PPM1H: variants seen among roughly 807,000 people sequenced by gnomAD.
PPM1H encodes protein phosphatase 1H.
Under a neutral mutation model 54.9 loss-of-function variants are expected in PPM1H, and 27 were observed. That is an observed-to-expected ratio of 0.49 (90% CI 0.36 to 0.68). PPM1H has a LOEUF of 0.68. Among genes scored for constraint, PPM1H ranks in the 30% least tolerant of loss-of-function variants. PPM1H has a pLI of 0.00. For missense variants in PPM1H, 596 were observed against 667.8 expected (o/e 0.89, Z 1.19); for synonymous variants, 305 against 270.8 (o/e 1.13, Z -1.24).
At chr12:62,702,544 CAGAGAGAGAGAGAGAGAG>C (rs66497730) in intron 6 of PPM1H, among the ~76,000 whole-genome samples, 3 of 140,644 alleles carry the variant, frequency 2.1e-5, no homozygotes, top group Admixed American at 7.1e-5. Flanking sequence ...CCTTGAGCTA[CAGAGAGAGAGAGAGAGAG>C]AGAGAGAGAG....
At chr12:62,838,426 G>T (rs1868580715) in intron 1 of PPM1H, among the ~76,000 whole-genome samples, 2 of 151,954 alleles carry the variant, frequency 1.3e-5, no homozygotes, top group Admixed American at 6.6e-5. Flanking sequence ...CTTGGGCAAT[G>T]TCTCATGTGG....
chr12:62,767,739 G>C (rs573415877), intron 4 of PPM1H, among the ~76,000 whole-genome samples: 1 of 152,274 alleles, frequency 6.6e-6, no homozygotes, highest in Non-Finnish European at 1.5e-5. Flanking sequence ...CTGGAGTCTG[G>C]AAGCCTGAAA....
intron 4 of PPM1H, chr12:62,755,266 G>T: frequency 2.7e-6 from 2 of 751,800 alleles, no homozygotes; most frequent in South Asian, 1.3e-5. Flanking sequence ...TGGTTGTATT[G>T]GGTGCCTAGT....
chr12:62,764,010 C>T (rs73130040), intron 4 of PPM1H, among the ~76,000 whole-genome samples: 19,144 of 152,198 alleles, frequency 0.13, 1,281 homozygotes, highest in South Asian at 0.19. Context: ...ATTCCTGCCT[C>T]GATCCAGCTG....
At chr12:62,830,313 T>C (rs1868336741) in intron 2 of PPM1H, among the ~76,000 whole-genome samples, 1 of 151,836 alleles carries the variant, frequency 6.6e-6, no homozygotes, top group African/African-American at 2.4e-5. Flanking sequence ...TGGAGTGCAG[T>C]GGCGTGATCT....
At chr12:62,881,887 C>T (rs1870409432) in intron 1 of PPM1H, among the ~76,000 whole-genome samples, 1 of 152,168 alleles carries the variant, frequency 6.6e-6, no homozygotes, top group South Asian at 2.1e-4. Context: ...ATCCACTCTC[C>T]AGATCAGCCT....
At chr12:62,829,186 T>TA (rs1868324353) in intron 2 of PPM1H, among the ~76,000 whole-genome samples, 1 of 152,124 alleles carries the variant, frequency 6.6e-6, no homozygotes, top group Admixed American at 6.5e-5. Context: ...AGCTGAAAGG[T>TA]AAAAAATTCT....
At chr12:62,788,666 G>A (rs1592599477) in intron 3 of PPM1H, among the ~76,000 whole-genome samples, 1 of 152,228 alleles carries the variant, frequency 6.6e-6, no homozygotes, top group East Asian at 1.9e-4. Flanking sequence ...GATTGCATGA[G>A]CTACCATGTG....
intron 4 of PPM1H, among the ~76,000 whole-genome samples, chr12:62,777,329 A>T (rs11174643): frequency 6.6e-6 from 1 of 152,048 alleles, no homozygotes; most frequent in Admixed American, 6.5e-5. Context: ...TTGTAAATGG[A>T]TGCCTGACTG....
chr12:62,692,671 T>C (rs534163836), intron 7 of PPM1H, among the ~76,000 whole-genome samples: 1 of 152,288 alleles, frequency 6.6e-6, no homozygotes, highest in South Asian at 2.1e-4. Context: ...TCATTAATGG[T>C]GCCCATTGTA....
intron 2 of PPM1H, among the ~76,000 whole-genome samples, chr12:62,828,623 G>A (rs2120843250): frequency 6.6e-6 from 1 of 152,280 alleles, no homozygotes; most frequent in South Asian, 2.1e-4. Flanking sequence ...CCTCTAAGTA[G>A]GGATTTTGTC....
intron 2 of PPM1H, among the ~76,000 whole-genome samples, chr12:62,810,870 G>A (rs538694990): frequency 3.4e-4 from 52 of 152,316 alleles, no homozygotes; most frequent in Non-Finnish European, 7.2e-4. Flanking sequence ...GGCACAGACA[G>A]TAAGATTACT....
At chr12:62,722,978 T>C (rs572643837) in intron 5 of PPM1H, among the ~76,000 whole-genome samples, 4 of 152,172 alleles carry the variant, frequency 2.6e-5, no homozygotes, top group Non-Finnish European at 5.9e-5. Flanking sequence ...CATTGTAACC[T>C]GAAAATATTG....
At chr12:62,885,406 C>T (rs1054009868) in intron 1 of PPM1H, among the ~76,000 whole-genome samples, 1 of 152,184 alleles carries the variant, frequency 6.6e-6, no homozygotes, top group Admixed American at 6.5e-5. Context: ...CTTCTTGTCT[C>T]TCATAAGGGC....
intron 9 of PPM1H, among the ~76,000 whole-genome samples, chr12:62,652,529 A>C (rs2075822047): frequency 6.6e-6 from 1 of 152,206 alleles, no homozygotes; most frequent in East Asian, 1.9e-4. Context: ...CACACATATG[A>C]AAACTTATTT....
intron 3 of PPM1H, among the ~76,000 whole-genome samples, chr12:62,794,295 A>AT (rs1324228573): frequency 1.3e-5 from 2 of 152,242 alleles, no homozygotes; most frequent in African/African-American, 4.8e-5. Flanking sequence ...TAACATGCTA[A>AT]TTTTGGAAAA....
chr12:62,674,272 A>G (rs2075973715), intron 8 of PPM1H, among the ~76,000 whole-genome samples: 1 of 152,140 alleles, frequency 6.6e-6, no homozygotes, highest in South Asian at 2.1e-4. Flanking sequence ...AGTCTCATTT[A>G]AAACAGCAGT....
chr12:62,925,465 C>T (rs1871944902), intron 1 of PPM1H, among the ~76,000 whole-genome samples: 1 of 152,190 alleles, frequency 6.6e-6, no homozygotes, highest in African/African-American at 2.4e-5. Context: ...GTAGTCATAG[C>T]TACTCGGGAG....
At chr12:62,799,614 G>A (rs1407724181) in intron 3 of PPM1H, among the ~76,000 whole-genome samples, 1 of 152,210 alleles carries the variant, frequency 6.6e-6, no homozygotes, top group Non-Finnish European at 1.5e-5. Context: ...CTGAGTGGGA[G>A]TCAATTTTCC....
Sources: gnomAD v4.1 joint callset for allele counts (sites outside exome capture counted in the v4.1 genomes callset) on GRCh38, gnomAD v4.1.1 for gene constraint, MANE v1.5 for transcripts, NCBI Gene and HGNC (gene_info 2026-07-23, HGNC 2026-07-21) for gene names.